The following GAREM1 variants were observed in gnomAD, a reference collection of about 807,000 sequenced individuals.
GAREM1 encodes the protein GRB2 associated regulator of MAPK1 subtype 1.
In GAREM1, 26 loss-of-function variants were observed where a neutral mutation model predicts 71.3. The ratio of observed to expected loss-of-function variants is 0.36; its 90% CI spans 0.27 to 0.51. The LOEUF (loss-of-function observed/expected upper bound fraction) is 0.51. GAREM1 is among the 20% of genes least tolerant of loss of function. The pLI is 0.95. For synonymous variants in GAREM1, 440 were observed against 433.2 expected, an observed-to-expected ratio of 1.02 and a Z score of -0.20; for missense variants, 1,026 against 1,103.1, an observed-to-expected ratio of 0.93 and a Z score of 0.99.
At chr18:32,464,475 G>A (rs182895622) in intron 1 of GAREM1, among the ~76,000 whole-genome samples, 4 of 152,244 alleles carry the variant, frequency 2.6e-5, no homozygotes, top group Admixed American at 2.0e-4. Context: ...GCAACAAAAC[G>A]AGAACCCATC....
intron 2 of GAREM1, among the ~76,000 whole-genome samples, chr18:32,370,387 C>A: frequency 6.8e-6 from 1 of 147,074 alleles, no homozygotes; most frequent in Non-Finnish European, 1.5e-5. Context: ...GAGATCACCG[C>A]ACTCCAGCCT....
At chr18:32,444,277 T>G (rs1450755359) in intron 1 of GAREM1, among the ~76,000 whole-genome samples, 1 of 152,208 alleles carries the variant, frequency 6.6e-6, no homozygotes, top group Non-Finnish European at 1.5e-5. Context: ...TGAATTATTC[T>G]TCAATAAAAC....
intron 2 of GAREM1, among the ~76,000 whole-genome samples, chr18:32,327,715 A>G (rs1252737619): frequency 1.3e-5 from 2 of 152,218 alleles, no homozygotes; most frequent in African/African-American, 4.8e-5. Context: ...AAACAACCTC[A>G]TTTAGTGAGA....
chr18:32,416,882 G>A (rs1290738320), intron 1 of GAREM1, among the ~76,000 whole-genome samples: 1 of 152,060 alleles, frequency 6.6e-6, no homozygotes, highest in African/African-American at 2.4e-5. Flanking sequence ...GTCACATAAA[G>A]TAAGAAGGCT....
intron 5 of GAREM1, 44 bp from the exon 6 acceptor site, chr18:32,268,812 G>A: frequency 1.3e-6 from 2 of 1,540,862 alleles, no homozygotes; most frequent in South Asian, 1.2e-5. Context: ...AAAGAAAAAA[G>A]CCAAATCCCA....
chr18:32,350,370 T>G (rs1332584759), intron 2 of GAREM1, among the ~76,000 whole-genome samples: 1 of 152,222 alleles, frequency 6.6e-6, no homozygotes, highest in Non-Finnish European at 1.5e-5. Context: ...GATTTTTTGT[T>G]GGTTTCTTAA....
intron 3 of GAREM1, 132 bp from the exon 4 acceptor site, chr18:32,288,335 ACCT>A (rs1370428608): frequency 1.6e-6 from 1 of 639,518 alleles, no homozygotes; most frequent in Admixed American, 3.3e-5. Context: ...AAATTTAGAC[ACCT>A]CATTTCTTTT....
chr18:32,454,893 C>G (rs1291136686), intron 1 of GAREM1, among the ~76,000 whole-genome samples: 1 of 152,194 alleles, frequency 6.6e-6, no homozygotes, highest in Non-Finnish European at 1.5e-5. Flanking sequence ...TTTGATCCAT[C>G]TGTTGGAACA....
At chr18:32,315,695 T>A (rs989719046) in intron 2 of GAREM1, among the ~76,000 whole-genome samples, 15 of 152,010 alleles carry the variant, frequency 9.9e-5, no homozygotes, top group Non-Finnish European at 2.1e-4. Flanking sequence ...CTAGAATATC[T>A]CTGCATTCCC....
intron 1 of GAREM1, among the ~76,000 whole-genome samples, chr18:32,413,715 T>C (rs1041937098): frequency 1.3e-5 from 2 of 152,038 alleles, no homozygotes; most frequent in African/African-American, 4.8e-5. Flanking sequence ...CTTCTTAAAA[T>C]TGAACTGGAA....
intron 1 of GAREM1, among the ~76,000 whole-genome samples, chr18:32,407,574 A>C (rs1351316384): frequency 6.6e-6 from 1 of 152,216 alleles, no homozygotes; most frequent in Admixed American, 6.5e-5. Flanking sequence ...CTTGCCTAAT[A>C]GCCCTAGCTA....
intron 2 of GAREM1, among the ~76,000 whole-genome samples, chr18:32,351,618 G>A (rs902949485): frequency 6.6e-6 from 1 of 151,894 alleles, no homozygotes; most frequent in Non-Finnish European, 1.5e-5. Flanking sequence ...CACACACAGT[G>A]TCCTGATAAC....
intron 2 of GAREM1, among the ~76,000 whole-genome samples, chr18:32,324,838 C>A (rs1372778592): frequency 1.3e-5 from 2 of 152,054 alleles, no homozygotes; most frequent in Non-Finnish European, 2.9e-5. Flanking sequence ...AGATGCCAAT[C>A]TGAAAAAAAT....
At chr18:32,359,546 CTTACT>C (rs1037589949) in intron 2 of GAREM1, among the ~76,000 whole-genome samples, 14 of 152,240 alleles carry the variant, frequency 9.2e-5, no homozygotes, top group African/African-American at 3.4e-4. Context: ...GAGTAACTGC[CTTACT>C]TTTACAGTTG....
chr18:32,457,228 T>TGA, intron 1 of GAREM1, among the ~76,000 whole-genome samples: 1 of 125,240 alleles, frequency 8.0e-6, no homozygotes, highest in Admixed American at 8.8e-5. Flanking sequence ...AGAGAGAGAG[T>TGA]GTGTGTGTGT....
At chr18:32,444,517 C>G (rs532313896) in intron 1 of GAREM1, among the ~76,000 whole-genome samples, 4 of 152,268 alleles carry the variant, frequency 2.6e-5, no homozygotes, top group African/African-American at 9.6e-5. Context: ...CAAAATACAG[C>G]AGCAATTCCA....
At chr18:32,333,603 T>C (rs2047558110) in intron 2 of GAREM1, among the ~76,000 whole-genome samples, 2 of 152,150 alleles carry the variant, frequency 1.3e-5, no homozygotes, top group Admixed American at 6.5e-5. Context: ...GTATACAAAC[T>C]CCAATAAAGT....
intron 1 of GAREM1, among the ~76,000 whole-genome samples, chr18:32,459,916 T>C (rs571322681): frequency 1.3e-5 from 2 of 152,284 alleles, no homozygotes; most frequent in South Asian, 4.1e-4. Context: ...TAACCTTTTC[T>C]TTAATGGATG....
chr18:32,270,430 C>T (rs967825653), intron 4 of GAREM1, 47 bp from the exon 5 acceptor site: 21 of 1,520,546 alleles, frequency 1.4e-5, no homozygotes, highest in African/African-American at 2.8e-5. Context: ...CTGACAATGC[C>T]ACGGGGCGCC....
Sources: gnomAD v4.1 joint callset for allele counts (sites outside exome capture counted in the v4.1 genomes callset) on GRCh38, gnomAD v4.1.1 for gene constraint, MANE v1.5 for transcripts, NCBI Gene and HGNC (gene_info 2026-07-23, HGNC 2026-07-21) for gene names.